LHFPL3: variants seen among roughly 807,000 people sequenced by gnomAD.
The protein encoded by LHFPL3 is LHFPL tetraspan subfamily member 3.
A neutral mutation model predicts 19.3 loss-of-function variants in LHFPL3; 5 were observed. The ratio of observed to expected loss-of-function variants is 0.26; its 90% confidence interval spans 0.14 to 0.54. The LOEUF (loss-of-function observed/expected upper bound fraction) is 0.54. LHFPL3 is among the 20% of genes least tolerant of loss of function. LHFPL3 has a pLI of 0.94. For missense variants in LHFPL3, 249 were observed against 307.4 expected, an observed-to-expected ratio of 0.81 and a Z score of 1.42; for synonymous variants, 133 against 126.2, an observed-to-expected ratio of 1.05 and a Z score of -0.36.
intron 1 of LHFPL3, among the ~76,000 whole-genome samples, chr7:104,657,743 T>C (rs890572926): frequency 3.9e-5 from 6 of 152,226 alleles, no homozygotes; most frequent in African/African-American, 1.2e-4. Flanking sequence ...CTTCCATCTC[T>C]GGAGCTTCCT....
intron 2 of LHFPL3, chr7:104,800,076 T>A (rs939616185): frequency 6.6e-6 from 1 of 152,562 alleles, no homozygotes; most frequent in Non-Finnish European, 1.5e-5. Flanking sequence ...TGAGCTGAAA[T>A]TTAAAATGTT....
chr7:104,523,066 T>TG (rs1459936172), intron 1 of LHFPL3, among the ~76,000 whole-genome samples: 3 of 148,256 alleles, frequency 2.0e-5, no homozygotes, highest in Admixed American at 1.4e-4. Context: ...TATACACATA[T>TG]ATATACACAT....
intron 1 of LHFPL3, among the ~76,000 whole-genome samples, chr7:104,663,388 T>C (rs187538702): frequency 1.1e-4 from 16 of 152,340 alleles, no homozygotes; most frequent in Admixed American, 4.6e-4. Flanking sequence ...CCAGGAAGAA[T>C]TGAACTTTCA....
chr7:104,707,203 C>G (rs113332615), intron 1 of LHFPL3, among the ~76,000 whole-genome samples: 2,377 of 152,292 alleles, frequency 0.016, 68 homozygotes, highest in African/African-American at 0.054. Flanking sequence ...TAATTCACTC[C>G]AGAGCTCACC....
intron 1 of LHFPL3, among the ~76,000 whole-genome samples, chr7:104,456,096 A>G (rs1351150725): frequency 6.6e-6 from 1 of 152,220 alleles, no homozygotes; most frequent in Non-Finnish European, 1.5e-5. Flanking sequence ...ACATAAACAA[A>G]TAAAATGTGT....
intron 1 of LHFPL3, among the ~76,000 whole-genome samples, chr7:104,520,682 G>A (rs1299688706): frequency 7.0e-6 from 1 of 143,772 alleles, no homozygotes; most frequent in Non-Finnish European, 1.5e-5. Context: ...TTGGAAGGGT[G>A]TATGTGTCAA....
In LHFPL3 at chr7:104,363,088, G is replaced by T. The variant is rs1316649128; in HGVS notation, c.445+33864G>T. 2.0e-5 allele frequency among the ~76,000 whole-genome samples: 3 copies of T among 152,336 alleles called. No individual in the cohort carries two copies. The East Asian group carries it at 5.8e-4, about 29-fold the overall frequency. ...TTGTAATCTTATAGCTAACTTGTTG[G>T]TTTGACAAGGGCAGTCTTCTCCTCA... is the stretch of plus-strand genomic sequence containing the variant. On this transcript the variant is annotated intron_variant, in intron 1 of 2. Coordinates refer to ENST00000424859, the MANE Select transcript of LHFPL3 (RefSeq NM_199000.3).
intron 2 of LHFPL3, among the ~76,000 whole-genome samples, chr7:104,870,669 A>C (rs1416276469): frequency 6.6e-6 from 1 of 152,118 alleles, no homozygotes; most frequent in East Asian, 1.9e-4. Flanking sequence ...TTCACCATAG[A>C]CTGAAGGCCC....
At chr7:104,372,508 C>A (rs764233265) in intron 1 of LHFPL3, among the ~76,000 whole-genome samples, 1 of 152,048 alleles carries the variant, frequency 6.6e-6, no homozygotes. Flanking sequence ...CTCAGTGTGC[C>A]GTTTGATACA....
intron 1 of LHFPL3, among the ~76,000 whole-genome samples, chr7:104,709,763 G>A (rs1485747853): frequency 6.6e-6 from 1 of 152,224 alleles, no homozygotes; most frequent in Non-Finnish European, 1.5e-5. Flanking sequence ...CCCAGACGGG[G>A]TGGCGGCCGG....
intron 1 of LHFPL3, among the ~76,000 whole-genome samples, chr7:104,521,211 T>C (rs1794052344): frequency 6.6e-6 from 1 of 152,188 alleles, no homozygotes; most frequent in Admixed American, 6.6e-5. Context: ...ATGTACCCAG[T>C]ATTCATTCAG....
At chr7:104,603,118 CTT>C (rs1554413267) in intron 1 of LHFPL3, among the ~76,000 whole-genome samples, 31 of 126,868 alleles carry the variant, frequency 2.4e-4, no homozygotes, top group African/African-American at 9.0e-4. Context: ...TTCTTTCTTT[CTT>C]TCTTTCTTTC....
At chr7:104,396,647 A>G (rs1406454509) in intron 1 of LHFPL3, among the ~76,000 whole-genome samples, 1 of 151,554 alleles carries the variant, frequency 6.6e-6, no homozygotes, top group South Asian at 2.1e-4. Context: ...AATTAGAAAA[A>G]AAAAAAAAAA....
chr7:104,517,452 AATC>A (rs1056401857), intron 1 of LHFPL3, among the ~76,000 whole-genome samples: 17 of 151,260 alleles, frequency 1.1e-4, no homozygotes, highest in African/African-American at 3.9e-4. Context: ...ATGTTAAATC[AATC>A]ATCCTGTGAT....
At chr7:104,482,835 C>T (rs1316375830) in intron 1 of LHFPL3, among the ~76,000 whole-genome samples, 1 of 152,164 alleles carries the variant, frequency 6.6e-6, no homozygotes, top group Non-Finnish European at 1.5e-5. Flanking sequence ...TGGCTGTGGT[C>T]CAGTCTGAGG....
chr7:104,794,827 G>C (rs2116456596), intron 2 of LHFPL3, among the ~76,000 whole-genome samples: 1 of 152,302 alleles, frequency 6.6e-6, no homozygotes. Context: ...GTCTGGGTTG[G>C]AGGGAATTTG....
chr7:104,611,817 A>G (rs560268758), intron 1 of LHFPL3, among the ~76,000 whole-genome samples: 12 of 152,298 alleles, frequency 7.9e-5, no homozygotes, highest in African/African-American at 2.6e-4. Flanking sequence ...CTAAATCTCA[A>G]TTTAGTTCAT....
chr7:104,430,440 ATATATATATATATATTTTTTT>A (rs1791971006), intron 1 of LHFPL3, among the ~76,000 whole-genome samples: 1 of 15,302 alleles, frequency 6.5e-5, no homozygotes, highest in South Asian at 2.6e-3. Flanking sequence ...ATATATATAT[ATATATATATATATATTTTTTT>A]TTTTTTTTTT....
At chr7:104,635,107 C>G (rs1791707627) in intron 1 of LHFPL3, among the ~76,000 whole-genome samples, 1 of 151,968 alleles carries the variant, frequency 6.6e-6, no homozygotes, top group East Asian at 1.9e-4. Context: ...AATTGTGCAG[C>G]CAAATTTCTT....
Sources: gnomAD v4.1 joint callset for allele counts (sites outside exome capture counted in the v4.1 genomes callset) on GRCh38, gnomAD v4.1.1 for gene constraint, MANE v1.5 for transcripts, NCBI Gene and HGNC (gene_info 2026-07-23, HGNC 2026-07-21) for gene names.